DNAJC25: variants seen among roughly 807,000 people sequenced by gnomAD.
DNAJC25 encodes the protein dnaJ homolog subfamily C member 25.
DNAJC25 carries 26 observed loss-of-function variants against 42.1 expected under a neutral mutation model. The observed-to-expected ratio is 0.62, with a 90% CI of 0.45 to 0.86. The LOEUF (loss-of-function observed/expected upper bound fraction) is 0.86. Among genes scored for constraint, DNAJC25 ranks in the 40% least tolerant of loss-of-function variants. The pLI, the probability that DNAJC25 is intolerant of heterozygous loss-of-function variation, is 0.00. For missense variants in DNAJC25, 404 were observed against 459.4 expected (o/e 0.88, Z 1.10); for synonymous variants, 189 against 179.9 (o/e 1.05, Z -0.40).
intron 3 of DNAJC25, among the ~76,000 whole-genome samples, chr9:111,650,549 A>G (rs1227112378): frequency 6.6e-6 from 1 of 152,224 alleles, no homozygotes; most frequent in African/African-American, 2.4e-5. Flanking sequence ...CATCATGTTA[A>G]AGGGATTAGC....
At position 111,649,517 on chromosome 9, in the gene DNAJC25, G is replaced by A. The variant is rs372256683; in HGVS notation, c.554G>A (p.Arg185His). ...ISYLATVPKYRIQATEIAKQQ... is the reference protein window; with the variant it reads ...ISYLATVPKYHIQATEIAKQQ... Reference sequence around the variant, plus strand: ...TACCTAGCCACAGTGCCCAAGTACCGTATCCAAGCTACAGAGATTGCCAAG... The same window carrying A: ...TACCTAGCCACAGTGCCCAAGTACCATATCCAAGCTACAGAGATTGCCAAG... Residue 185 changes from arginine to histidine, a missense_variant, in exon 3 of 4, where the codon CGT (arginine) becomes CAT (histidine). Coordinates refer to ENST00000313525, the MANE Select transcript of DNAJC25 (RefSeq NM_001015882.3). 3.1e-6 allele frequency: 5 copies of A among 1,613,472 alleles called. No homozygotes were observed. Among genetic ancestry groups the A allele is most frequent in the Non-Finnish European group, 4.2e-6 (5 of 1,179,860 alleles).
At chr9:111,646,908 T>G (rs1393667506) in intron 1 of DNAJC25, 199 bp from the exon 2 acceptor site, 1 of 466,138 alleles carries the variant, frequency 2.1e-6, no homozygotes, top group Admixed American at 4.1e-5. Context: ...TTTGTTATGC[T>G]TTTATATCTA....
chr9:111,649,234 C>T (rs1830611409), intron 2 of DNAJC25, among the ~76,000 whole-genome samples: 1 of 152,146 alleles, frequency 6.6e-6, no homozygotes, highest in Non-Finnish European at 1.5e-5. Context: ...ATTTTTGGCT[C>T]AGCTCAGAGT....
chr9:111,654,343 A>G lies in DNAJC25; in HGVS notation c.*1121A>G, dbSNP rs1386607692. 2.0e-5 allele frequency: 3 copies of G among 152,268 alleles called. No individual in the cohort carries two copies. Among genetic ancestry groups the G allele is most frequent in the East Asian group, 1.9e-4 (1 of 5,206 alleles). The allele number at this position is 152,268 out of a possible 1,614,324, so 9.4% of individuals were successfully genotyped here. A position where few individuals can be genotyped will look rare whatever the true frequency, so the allele number is the denominator to read the frequency against. On this transcript the variant is annotated 3_prime_UTR_variant, in exon 4 of 4. Coordinates refer to ENST00000313525, the MANE Select transcript of DNAJC25 (RefSeq NM_001015882.3). ...TTCATATTAATAAAATGGTTACAAT[A>G]TATCACAAGTTTGTTGATATGACGT...
At chr9:111,648,753 T>C (rs1830605712) in intron 2 of DNAJC25, among the ~76,000 whole-genome samples, 1 of 152,256 alleles carries the variant, frequency 6.6e-6, no homozygotes, top group African/African-American at 2.4e-5. Flanking sequence ...ATTGCTACTA[T>C]TGCAGGGTAT....
At chr9:111,634,801 G>A (rs1420012662) in intron 1 of DNAJC25, among the ~76,000 whole-genome samples, 1 of 151,478 alleles carries the variant, frequency 6.6e-6, no homozygotes, top group African/African-American at 2.4e-5. Flanking sequence ...AAGACAAGAA[G>A]ATATGACATT....
chr9:111,640,909 C>A lies in DNAJC25; in HGVS notation c.337-6198C>A, dbSNP rs1395272104. On this transcript the variant is annotated intron_variant, in intron 1 of 3. Coordinates refer to ENST00000313525, the MANE Select transcript of DNAJC25 (RefSeq NM_001015882.3). ...TGGGGGGTCAGCCCCCCCGCCCGGC[C>A]AGCCGTGCCGTCCGGCCAGCCGTGC... is the stretch of plus-strand genomic sequence containing the variant. Among the ~76,000 whole-genome samples, 2 of 99,764 alleles carry A rather than the reference C, an allele frequency of 2.0e-5. 1 individual carries two copies. The highest frequency in any genetic ancestry group is 3.6e-5 in the Non-Finnish European group (2 of 55,354). 65.4% of individuals were successfully genotyped at this position (99,764 alleles called of 152,430 possible).
chr9:111,647,196 G>A lies in DNAJC25; in HGVS notation c.426G>A (p.Leu142=). 1 of 1,614,174 alleles carries A rather than the reference G, an allele frequency of 6.2e-7. No homozygotes were observed. Among genetic ancestry groups the A allele is most frequent in the Non-Finnish European group, 8.5e-7 (1 of 1,180,024 alleles). The change falls in exon 2 of 4, where the codon TTG becomes TTA. Residue 142 remains leucine, a synonymous_variant. Transcript: ENST00000313525. Reference sequence around the variant, plus strand: ...ACTACCACTACTATAGCAGGCGCTTGGCCCCTAAGGTGGATGTTAGAGTAG... The same window carrying A: ...ACTACCACTACTATAGCAGGCGCTTAGCCCCTAAGGTGGATGTTAGAGTAG... ...SHYYHYYSRR[L]APKVDVRVVI...
intron 1 of DNAJC25, among the ~76,000 whole-genome samples, chr9:111,635,734 C>T (rs1271508410): frequency 2.0e-5 from 3 of 152,116 alleles, no homozygotes; most frequent in Non-Finnish European, 4.4e-5. Context: ...ATATTTCTGG[C>T]ATGAAGGTGA....
At chr9:111,634,518 G>A (rs1830336219) in intron 1 of DNAJC25, among the ~76,000 whole-genome samples, 1 of 152,196 alleles carries the variant, frequency 6.6e-6, no homozygotes, top group African/African-American at 2.4e-5. Context: ...AAAAGGTCCA[G>A]GTGGCGTTTG....
At chr9:111,635,921 T>A (rs1398424055) in intron 1 of DNAJC25, among the ~76,000 whole-genome samples, 1 of 152,218 alleles carries the variant, frequency 6.6e-6, no homozygotes, top group African/African-American at 2.4e-5. Flanking sequence ...CCTGTTACGT[T>A]TCTGTTTATT....
intron 1 of DNAJC25, among the ~76,000 whole-genome samples, chr9:111,645,046 A>C (rs1026995326): frequency 6.6e-6 from 1 of 152,252 alleles, no homozygotes; most frequent in Non-Finnish European, 1.5e-5. Flanking sequence ...AGAACATACA[A>C]GGAGTGAATC....
At position 111,646,608 on chromosome 9, in the gene DNAJC25, G is replaced by A. The variant is rs150235355; in HGVS notation, c.337-499G>A. On this transcript the variant is annotated intron_variant, in intron 1 of 3. Coordinates refer to ENST00000313525, the MANE Select transcript of DNAJC25 (RefSeq NM_001015882.3). ...AAGGTCATAAAGCTAGACTTTGACC[G>A]TTGGGCTGCATGGGTGTCTCAGTGT... is the stretch of plus-strand genomic sequence containing the variant. Among the ~76,000 whole-genome samples the A allele has an allele frequency of 9.1e-4, 138 of 152,324 alleles. No individual in the cohort carries two copies. In the East Asian group the frequency reaches 0.012, roughly 13 times the overall value.
Position 111,653,227 on chromosome 9 carries a change from T to G in DNAJC25, c.*5T>G. 1 of 1,562,632 alleles carries G rather than the reference T, an allele frequency of 6.4e-7. No individual in the cohort carries two copies. The highest frequency in any genetic ancestry group is 8.7e-7 in the Non-Finnish European group (1 of 1,153,682). On this transcript the variant is annotated 3_prime_UTR_variant, in exon 4 of 4. Coordinates refer to ENST00000313525, the MANE Select transcript of DNAJC25 (RefSeq NM_001015882.3). ...TTAACATTTGTGGATGACTGAAGAT[T>G]GATGGAATGCTACTATGCCAAACCT...
chr9:111,645,337 C>G (rs1202903098), intron 1 of DNAJC25, among the ~76,000 whole-genome samples: 1 of 151,802 alleles, frequency 6.6e-6, no homozygotes, highest in Non-Finnish European at 1.5e-5. Context: ...TCACTGCAAC[C>G]TCCACCTCCC....
chr9:111,638,919 A>G (rs1386343208), intron 1 of DNAJC25, among the ~76,000 whole-genome samples: 4 of 151,676 alleles, frequency 2.6e-5, no homozygotes, highest in Non-Finnish European at 5.9e-5. Flanking sequence ...CTTCCTAGCT[A>G]TATTTACTAC....
In DNAJC25 at chr9:111,631,366, T is replaced by G. The variant is rs1039994661; in HGVS notation, c.-42T>G. 2 of 1,271,852 alleles carry G rather than the reference T, an allele frequency of 1.6e-6. No individual in the cohort carries two copies. Among genetic ancestry groups the G allele is most frequent in the Admixed American group, 4.2e-5 (1 of 23,730 alleles). 78.8% of individuals were successfully genotyped at this position (1,271,852 alleles called of 1,614,324 possible). On this transcript the variant is annotated 5_prime_UTR_variant, in exon 1 of 4. Transcript: ENST00000313525. ...ACTAGCCGGGCGCGCGGCTGAGTGC[T>G]GCAGAATCGCTGGGGTGGCAGAGCC...
chr9:111,644,047 T>C (rs774019013), intron 1 of DNAJC25, among the ~76,000 whole-genome samples: 1 of 152,180 alleles, frequency 6.6e-6, no homozygotes, highest in Non-Finnish European at 1.5e-5. Flanking sequence ...ATTTTCTTCA[T>C]TTTGGAGAGA....
At chr9:111,650,494 A>G (rs886809282) in intron 3 of DNAJC25, among the ~76,000 whole-genome samples, 1 of 152,240 alleles carries the variant, frequency 6.6e-6, no homozygotes, top group Non-Finnish European at 1.5e-5. Flanking sequence ...TTTATGCTAC[A>G]GTTGTCACCT....
Sources: gnomAD v4.1 joint callset for allele counts (sites outside exome capture counted in the v4.1 genomes callset) on GRCh38, gnomAD v4.1.1 for gene constraint, MANE v1.5 for transcripts, NCBI Gene and HGNC (gene_info 2026-07-23, HGNC 2026-07-21) for gene names.